TMEM132B: variants seen among roughly 807,000 people sequenced by gnomAD.
TMEM132B encodes transmembrane protein 132B.
TMEM132B carries 18 observed loss-of-function variants against 90.8 expected under a neutral mutation model. The ratio of observed to expected loss-of-function variants is 0.20; its 90% confidence interval spans 0.14 to 0.29. The LOEUF is 0.29. Among genes scored for constraint, TMEM132B ranks in the 10% least tolerant of loss-of-function variants. The probability of loss-of-function intolerance (pLI) is 1.00; values close to 1 mark genes in which losing one functional copy is unlikely to be tolerated. For missense variants in TMEM132B, 1,096 were observed against 1,326.8 expected, an observed-to-expected ratio of 0.83 and a Z score of 2.70; for synonymous variants, 504 against 523.3, an observed-to-expected ratio of 0.96 and a Z score of 0.50.
chr12:125,418,747 C>T (rs1470566700), intron 3 of TMEM132B, among the ~76,000 whole-genome samples: 4 of 152,040 alleles, frequency 2.6e-5, no homozygotes, highest in Non-Finnish European at 5.9e-5. Flanking sequence ...TATGGGAAGA[C>T]CCGACATGCT....
intron 2 of TMEM132B, among the ~76,000 whole-genome samples, chr12:125,402,055 G>A (rs779509466): frequency 7.9e-5 from 12 of 152,138 alleles, no homozygotes; most frequent in East Asian, 5.8e-4. Context: ...TCCGTTTAGC[G>A]GAAATATTTG....
chr12:125,212,621 G>C (rs986048384), intron 1 of TMEM132B, among the ~76,000 whole-genome samples: 1 of 152,236 alleles, frequency 6.6e-6, no homozygotes, highest in East Asian at 1.9e-4. Context: ...TTGAATCCGG[G>C]AGGTGGAGGT....
intron 1 of TMEM132B, among the ~76,000 whole-genome samples, chr12:125,265,857 G>T (rs117352903): frequency 4.6e-5 from 7 of 152,156 alleles, no homozygotes; most frequent in South Asian, 2.1e-4. Context: ...GAACAGAGAG[G>T]TTGGCAGAGT....
At chr12:125,220,120 A>G (rs1565977655) in intron 1 of TMEM132B, among the ~76,000 whole-genome samples, 1 of 152,266 alleles carries the variant, frequency 6.6e-6, no homozygotes, top group African/African-American at 2.4e-5. Flanking sequence ...GTTTGTTTAT[A>G]TAATATACAA....
intron 5 of TMEM132B, chr12:125,585,613 G>T (rs1885161608): frequency 6.6e-6 from 1 of 152,176 alleles, no homozygotes; most frequent in African/African-American, 2.4e-5. Flanking sequence ...CCATGGGGTG[G>T]AATCCTCCTT....
chr12:125,426,371 C>T (rs1319247266), intron 3 of TMEM132B, among the ~76,000 whole-genome samples: 1 of 151,968 alleles, frequency 6.6e-6, no homozygotes, highest in African/African-American at 2.4e-5. Context: ...ATTAAATATA[C>T]ATTTTGAGTG....
chr12:125,531,870 C>T (rs1028980313), intron 4 of TMEM132B, among the ~76,000 whole-genome samples: 3 of 152,310 alleles, frequency 2.0e-5, no homozygotes, highest in South Asian at 2.1e-4. Context: ...TTGTAAATGC[C>T]GCCGTAGCAC....
chr12:125,581,262 G>A (rs1859456), intron 4 of TMEM132B, among the ~76,000 whole-genome samples: 81,751 of 152,062 alleles, frequency 0.54, 24,929 homozygotes, highest in Middle Eastern at 0.77. Context: ...CTAGTGTCTA[G>A]CCTGTTACTT....
intron 4 of TMEM132B, among the ~76,000 whole-genome samples, chr12:125,559,176 G>A (rs1312883294): frequency 6.6e-6 from 1 of 152,140 alleles, no homozygotes; most frequent in Non-Finnish European, 1.5e-5. Context: ...GACCAGCCTG[G>A]ACAACATGGT....
At chr12:125,263,182 A>G (rs999574393) in intron 1 of TMEM132B, among the ~76,000 whole-genome samples, 2 of 152,054 alleles carry the variant, frequency 1.3e-5, no homozygotes, top group Non-Finnish European at 2.9e-5. Flanking sequence ...TTGAGGTCAG[A>G]TTTTTCTTAT....
At position 125,459,669 on chromosome 12, in the gene TMEM132B, T is replaced by C. The variant is rs1881385050; in HGVS notation, c.1106+43992T>C. 6.6e-6 allele frequency among the ~76,000 whole-genome samples: 1 copy of C among 151,894 alleles called. No individual in the cohort carries two copies. The highest frequency in any genetic ancestry group is 2.1e-4 in the South Asian group (1 of 4,800). Reference sequence around the variant, plus strand: ...GTATGTTTTAAAATAACTAGAAGAGTATAATTGGATTGTTTGTAACACAAA... The same window carrying C: ...GTATGTTTTAAAATAACTAGAAGAGCATAATTGGATTGTTTGTAACACAAA... On this transcript the variant is annotated intron_variant, in intron 3 of 8. Coordinates refer to ENST00000682704, the MANE Select transcript of TMEM132B (RefSeq NM_001366854.1). This position sits in a 1 kb window ranked among gnomAD's most constrained non-coding sequence, Gnocchi z 4.1.
intron 3 of TMEM132B, among the ~76,000 whole-genome samples, chr12:125,507,438 A>G (rs4765045): frequency 0.15 from 23,065 of 152,172 alleles, 2,061 homozygotes; most frequent in Admixed American, 0.3. Flanking sequence ...ACAGCAAGGA[A>G]GGTGATAGGG....
At chr12:125,334,162 A>G (rs1180938155) in intron 1 of TMEM132B, among the ~76,000 whole-genome samples, 2 of 152,212 alleles carry the variant, frequency 1.3e-5, no homozygotes, top group African/African-American at 4.8e-5. Context: ...GAATTTTACC[A>G]TTTATCTTTT....
rs1425325348 is a variant in TMEM132B, at chr12:125,209,336, T to G, written c.67+22470T>G. On this transcript the variant is annotated intron_variant, in intron 1 of 8. Transcript: ENST00000682704. This position sits in a 1 kb window ranked among gnomAD's most constrained non-coding sequence, Gnocchi z 4.4. Reference sequence around the variant, plus strand: ...GCGGATGGACCGCCCCAGGGGATGGTGCAGTGGGCTTGCTGTGTACCTTTG... The same window carrying G: ...GCGGATGGACCGCCCCAGGGGATGGGGCAGTGGGCTTGCTGTGTACCTTTG... Among the ~76,000 whole-genome samples, 1 of 152,164 alleles carries G rather than the reference T, an allele frequency of 6.6e-6. No individual in the cohort carries two copies.
At chr12:125,390,182 C>T (rs1878967749) in intron 2 of TMEM132B, among the ~76,000 whole-genome samples, 1 of 152,210 alleles carries the variant, frequency 6.6e-6, no homozygotes, top group South Asian at 2.1e-4. Flanking sequence ...AAAAGACACA[C>T]ACAAGAATGC....
At chr12:125,258,649 T>C (rs1011516604) in intron 1 of TMEM132B, among the ~76,000 whole-genome samples, 1 of 152,002 alleles carries the variant, frequency 6.6e-6, no homozygotes, top group African/African-American at 2.4e-5. Context: ...CCCACCCAGA[T>C]TGAATGGGAA....
chr12:125,263,771 T>C (rs545525387), intron 1 of TMEM132B, among the ~76,000 whole-genome samples: 2 of 152,294 alleles, frequency 1.3e-5, no homozygotes, highest in African/African-American at 2.4e-5. Context: ...GGAGATGTGA[T>C]TGGATGTGAA....
intron 4 of TMEM132B, among the ~76,000 whole-genome samples, chr12:125,530,699 AC>A (rs1285899464): frequency 6.6e-6 from 1 of 152,066 alleles, no homozygotes; most frequent in Non-Finnish European, 1.5e-5. Context: ...GCCTGTGGCC[AC>A]CTTGCCCTCA....
At chr12:125,435,833 C>G (rs1159835361) in intron 3 of TMEM132B, among the ~76,000 whole-genome samples, 1 of 151,824 alleles carries the variant, frequency 6.6e-6, no homozygotes, top group Non-Finnish European at 1.5e-5. Context: ...AGTGGACTCC[C>G]CGGGGCAGGA....
Sources: gnomAD v4.1 joint callset for allele counts (sites outside exome capture counted in the v4.1 genomes callset) on GRCh38, gnomAD v4.1.1 for gene constraint, Gnocchi (gnomAD v3.1) non-coding constraint, MANE v1.5 for transcripts, NCBI Gene and HGNC (gene_info 2026-07-23, HGNC 2026-07-21) for gene names.